OTUD7A: variants seen among roughly 807,000 people sequenced by gnomAD.
The protein encoded by OTUD7A is OTU deubiquitinase 7A, also known as OTU domain-containing protein 7A.
A neutral mutation model predicts 65.7 loss-of-function variants in OTUD7A; 12 were observed. The observed-to-expected ratio is 0.18, with a 90% CI of 0.12 to 0.30. OTUD7A has a LOEUF of 0.30. Ranked by LOEUF, OTUD7A falls within the 10% of genes least tolerant of loss-of-function variation. The probability of loss-of-function intolerance (pLI) is 1.00; values close to 1 mark genes in which losing one functional copy is unlikely to be tolerated. For synonymous variants in OTUD7A, 641 were observed against 586.3 expected (o/e 1.09, Z -1.35); for missense variants, 1,148 against 1,304.8 (o/e 0.88, Z 1.85).
chr15:31,480,520 C>T lies in OTUD7A; in HGVS notation c.*2774G>A, dbSNP rs1349067260. ...AGGACTCACCTTCTTCCCTTTCTCC[C>T]TGCTCCACAAAGGGCCCTCACGCCA... On this transcript the variant is annotated 3_prime_UTR_variant, in exon 13 of 13. Coordinates refer to ENST00000307050, the MANE Select transcript of OTUD7A (RefSeq NM_001382637.1). 1 of 152,322 alleles carries T rather than the reference C, an allele frequency of 6.6e-6. No individual in the cohort carries two copies. The highest frequency in any genetic ancestry group is 1.5e-5 in the Non-Finnish European group (1 of 68,156). The allele number at this position is 152,322 out of a possible 1,614,324, so 9.4% of individuals were successfully genotyped here. A position where few individuals can be genotyped will look rare whatever the true frequency, so the allele number is the denominator to read the frequency against.
At chr15:31,771,590 T>C (rs1049717080) in intron 1 of OTUD7A, among the ~76,000 whole-genome samples, 1 of 152,146 alleles carries the variant, frequency 6.6e-6, no homozygotes, top group Non-Finnish European at 1.5e-5. Context: ...TATCATCCCT[T>C]ACTTGAATGA....
intron 1 of OTUD7A, among the ~76,000 whole-genome samples, chr15:31,723,415 G>A (rs557320790): frequency 1.3e-4 from 4 of 30,324 alleles, no homozygotes; most frequent in Admixed American, 4.2e-4. Flanking sequence ...CCCGCCCCCC[G>A]TTTGCCCATG....
intron 9 of OTUD7A, 146 bp downstream of exon 9, chr15:31,503,545 A>G: frequency 8.9e-7 from 1 of 1,118,380 alleles, no homozygotes; most frequent in Non-Finnish European, 1.3e-6. Context: ...ATCAGGGAGG[A>G]GAAAGAAACA....
intron 4 of OTUD7A, among the ~76,000 whole-genome samples, chr15:31,564,387 GTTT>G (rs398026753): frequency 1.7e-5 from 2 of 119,906 alleles, no homozygotes; most frequent in Non-Finnish European, 1.9e-5. Flanking sequence ...TTTGAGGAAG[GTTT>G]TTTTTTTTTT....
In OTUD7A at chr15:31,479,219, T is replaced by C. The variant is rs1474030076; in HGVS notation, c.*4075A>G. ...AGCTGGCAGCAGAACCGGACTCAAC[T>C]AGAGCAGGGGCCGCCTCTGCAGCCC... On this transcript the variant is annotated 3_prime_UTR_variant, in exon 13 of 13. Coordinates refer to ENST00000307050, the MANE Select transcript of OTUD7A (RefSeq NM_001382637.1). 1 of 152,210 alleles carries C rather than the reference T, an allele frequency of 6.6e-6. No homozygotes were observed. The highest frequency in any genetic ancestry group is 1.9e-4 in the East Asian group (1 of 5,188). The allele number at this position is 152,210 out of a possible 1,614,324, so 9.4% of individuals were successfully genotyped here.
At chr15:31,532,625 A>G (rs1887665377) in intron 5 of OTUD7A, among the ~76,000 whole-genome samples, 1 of 151,988 alleles carries the variant, frequency 6.6e-6, no homozygotes, top group Admixed American at 6.5e-5. Flanking sequence ...AATAAGGTAG[A>G]GCTAAAAAAG....
chr15:31,786,329 G>T (rs1895673790), intron 1 of OTUD7A, among the ~76,000 whole-genome samples: 1 of 152,226 alleles, frequency 6.6e-6, no homozygotes, highest in Admixed American at 6.5e-5. Context: ...TATAATAAAT[G>T]TTATTATCCA....
At chr15:31,803,703 T>C (rs902142730) in intron 1 of OTUD7A, among the ~76,000 whole-genome samples, 75 of 152,344 alleles carry the variant, frequency 4.9e-4, no homozygotes, top group African/African-American at 1.7e-3. Flanking sequence ...CTCAGAAAGT[T>C]TCCATCGCTG....
chr15:31,589,681 G>C (rs1012901409), intron 3 of OTUD7A, among the ~76,000 whole-genome samples: 4 of 151,972 alleles, frequency 2.6e-5, no homozygotes, highest in African/African-American at 9.7e-5. Context: ...TAAATGCCTG[G>C]CGGATGTGAT....
intron 4 of OTUD7A, among the ~76,000 whole-genome samples, chr15:31,569,023 G>T (rs1595617929): frequency 6.6e-6 from 1 of 152,308 alleles, no homozygotes; most frequent in East Asian, 1.9e-4. Flanking sequence ...TTACAGCAGT[G>T]AAAGAATGGC....
intron 1 of OTUD7A, among the ~76,000 whole-genome samples, chr15:31,851,407 AG>A (rs1210898898): frequency 6.6e-6 from 1 of 152,230 alleles, no homozygotes; most frequent in African/African-American, 2.4e-5. Flanking sequence ...GTTAGTGGCT[AG>A]TAATGTCATA....
intron 1 of OTUD7A, among the ~76,000 whole-genome samples, chr15:31,660,509 T>C (rs1339136406): frequency 1.3e-5 from 2 of 152,232 alleles, no homozygotes; most frequent in Non-Finnish European, 1.5e-5. Flanking sequence ...CAAACATTCA[T>C]ATGCGTAGAG....
intron 1 of OTUD7A, among the ~76,000 whole-genome samples, chr15:31,755,412 C>T (rs1475593314): frequency 2.0e-5 from 3 of 152,086 alleles, no homozygotes; most frequent in Admixed American, 2.0e-4. Context: ...CTAAACTGTG[C>T]AGTCCTTAAA....
At chr15:31,740,861 T>C (rs927557051) in intron 1 of OTUD7A, among the ~76,000 whole-genome samples, 1 of 152,198 alleles carries the variant, frequency 6.6e-6, no homozygotes, top group Non-Finnish European at 1.5e-5. Flanking sequence ...ATCATGTGAA[T>C]TGTAACCAAC....
intron 4 of OTUD7A, among the ~76,000 whole-genome samples, chr15:31,561,442 T>C (rs987837056): frequency 1.3e-5 from 2 of 152,184 alleles, no homozygotes; most frequent in Non-Finnish European, 2.9e-5. Context: ...AGGTGCTATG[T>C]GCACCTGCAA....
intron 1 of OTUD7A, among the ~76,000 whole-genome samples, chr15:31,663,546 G>C (rs1892232382): frequency 6.8e-6 from 1 of 147,792 alleles, no homozygotes; most frequent in African/African-American, 2.5e-5. Flanking sequence ...TTGGTTTTCT[G>C]TTCCTGTGTT....
chr15:31,629,095 G>C (rs1292809722), intron 3 of OTUD7A, among the ~76,000 whole-genome samples: 1 of 151,946 alleles, frequency 6.6e-6, no homozygotes, highest in Non-Finnish European at 1.5e-5. Context: ...TCCTTCTCCT[G>C]CCTAATTGCC....
intron 1 of OTUD7A, among the ~76,000 whole-genome samples, chr15:31,849,015 A>C (rs942780112): frequency 3.9e-5 from 6 of 152,210 alleles, no homozygotes; most frequent in African/African-American, 1.4e-4. Flanking sequence ...TCTGGGTTGA[A>C]ATTAAGAATG....
chr15:31,815,993 G>A (rs901522986), intron 1 of OTUD7A, among the ~76,000 whole-genome samples: 2 of 152,164 alleles, frequency 1.3e-5, no homozygotes, highest in Non-Finnish European at 2.9e-5. Flanking sequence ...AACAGTGACC[G>A]ACCAGAGGAG....
Sources: allele counts gnomAD v4.1 joint callset (sites outside exome capture counted in the v4.1 genomes callset), GRCh38; gene constraint gnomAD v4.1.1; transcripts MANE v1.5; gene names NCBI Gene and HGNC (gene_info 2026-07-23, HGNC 2026-07-21).